The following KLC3 variants were observed in gnomAD, a reference collection of about 807,000 sequenced individuals.
The protein encoded by KLC3 is kinesin light chain 2.
KLC3 carries 72 observed loss-of-function variants against 62.9 expected under a neutral mutation model. The observed-to-expected ratio is 1.15, with a 90% CI of 0.95 to 1.39. The LOEUF is 1.39. Ranked by LOEUF, KLC3 falls within the 40% of genes most tolerant of loss-of-function variation. The pLI is 0.00. For missense variants in KLC3, 848 were observed against 691.6 expected, an observed-to-expected ratio of 1.23 and a Z score of -2.54; for synonymous variants, 377 against 300.5, an observed-to-expected ratio of 1.25 and a Z score of -2.63.
At chr19:45,346,395 C>G (rs1971490930) in intron 2 of KLC3, 149 bp from the exon 3 acceptor site, 1 of 730,036 alleles carries the variant, frequency 1.4e-6, no homozygotes, top group African/African-American at 1.8e-5. Flanking sequence ...TCTGAGGGCA[C>G]TGGGGCCATG....
chr19:45,345,284 G>A, intron 1 of KLC3: 1 of 607,170 alleles, frequency 1.6e-6, no homozygotes, highest in Non-Finnish European at 2.9e-6. Flanking sequence ...CTGTCCTCAG[G>A]GCAGAACCCT....
rs1971769893 is a variant in KLC3 at position 45,351,422 on chromosome 19, TGA to T, written c.*69_*70del. 3 of 1,592,974 alleles carry T rather than the reference TGA, an allele frequency of 1.9e-6. No individual in the cohort carries two copies. The highest frequency in any genetic ancestry group is 1.3e-5 in the African/African-American group (1 of 74,618). On this transcript the variant is annotated 3_prime_UTR_variant, in exon 13 of 13. Transcript: ENST00000391946. ...GTGCAGGAGGGATGGGCTGGTGGGG[TGA>T]GAGGGGGTCTATCATCTCCTGGCCC...
chr19:45,349,819 G>C, intron 8 of KLC3: 2 of 549,322 alleles, frequency 3.6e-6, no homozygotes, highest in Non-Finnish European at 6.4e-6. Context: ...CAGTGAAGCG[G>C]AAGCTGGCAG....
intron 5 of KLC3, 81 bp downstream of exon 5, chr19:45,348,241 C>A: frequency 7.7e-7 from 1 of 1,291,820 alleles, no homozygotes; most frequent in Non-Finnish European, 1.1e-6. Flanking sequence ...CTGGTGCCCC[C>A]TCTGTCACCA....
At chr19:45,350,296 G>C in intron 8 of KLC3, 45 bp from the exon 9 acceptor site, 1 of 1,464,418 alleles carries the variant, frequency 6.8e-7, no homozygotes, top group Non-Finnish European at 9.5e-7. Context: ...ATGCAGTGTT[G>C]GGAACTGGGG....
chr19:45,350,824 G>A (rs1599718658), intron 11 of KLC3, 77 bp downstream of exon 11: 1 of 1,039,254 alleles, frequency 9.6e-7, no homozygotes, highest in Non-Finnish European at 1.4e-6. Flanking sequence ...CCCCCATCTT[G>A]CTCAAGAACC....
Position 45,347,953 on chromosome 19 carries a change from C to T in KLC3, c.572C>T (p.Ala191Val). The T allele has an allele frequency of 6.2e-7, 1 of 1,604,020 alleles. No individual in the cohort carries two copies. The highest frequency in any genetic ancestry group is 1.7e-4 in the Middle Eastern group (1 of 6,038). The change falls in exon 5 of 13, where the codon GCA (alanine) becomes GTA (valine). Residue 191 changes from alanine (A) to valine (V), a missense_variant. Ala to Val is a moderately conservative substitution (Grantham distance 64). Transcript: ENST00000391946. ...CCACCCCACCTAGGTCCTGAGGCCG[C>T]AGGAGCAGCAGCTGCTCAGCAGGGT... ...EEEERKGPEA[A>V]GAAAAQQGGY...
intron 12 of KLC3, 23 bp downstream of exon 12, chr19:45,351,040 A>G: frequency 6.2e-7 from 1 of 1,614,026 alleles, no homozygotes; most frequent in South Asian, 1.1e-5. Flanking sequence ...TCTGGGTCAA[A>G]AATAGAGGAG....
At chr19:45,345,932 G>C in intron 2 of KLC3, 133 bp downstream of exon 2, 2 of 1,023,762 alleles carry the variant, frequency 2.0e-6, no homozygotes, top group South Asian at 3.4e-5. Flanking sequence ...TTGGGAGGCT[G>C]AGGTGGGCAG....
At position 45,349,494 on chromosome 19, in the gene KLC3, C is replaced by T. The variant is rs749753330; in HGVS notation, c.1035C>T (p.Asn345=). 6.8e-6 allele frequency: 11 copies of T among 1,613,996 alleles called. No homozygotes were observed. The Admixed American group carries it at 1.0e-4, about 15-fold the overall frequency. ...ACAACCTGGCCCTGCTGTGCCAGAA[C>T]CAGGGCAAGTTTGAGGACGTGGAGC... ...QLNNLALLCQ[N]QGKFEDVERH... is the part of the protein sequence containing the mutation. The change falls in exon 8 of 13, where the codon AAC becomes AAT. Residue 345 remains asparagine (N), a synonymous_variant. Transcript: ENST00000391946.
chr19:45,349,054 C>A, intron 7 of KLC3, 133 bp downstream of exon 7: 1 of 761,514 alleles, frequency 1.3e-6, no homozygotes, highest in East Asian at 2.7e-5. Flanking sequence ...CAGTTGGAGC[C>A]TAGATCACCC....
chr19:45,343,018 C>T (rs1971422768), intron 1 of KLC3, among the ~76,000 whole-genome samples: 1 of 152,160 alleles, frequency 6.6e-6, no homozygotes. Context: ...GCTCTCTGTT[C>T]CGACAGTGGA....
intron 8 of KLC3, 199 bp from the exon 9 acceptor site, chr19:45,350,142 C>G (rs184626727): frequency 3.4e-6 from 2 of 587,006 alleles, no homozygotes; most frequent in East Asian, 2.8e-5. Flanking sequence ...GAAAGTGGGG[C>G]CAGACGTGGT....
chr19:45,350,355 G>GA lies in KLC3; in HGVS notation c.1161dup (p.Gln388ThrfsTer34). 6.2e-7 allele frequency: 1 copy of GA among 1,613,282 alleles called. No individual in the cohort carries two copies. The highest frequency in any genetic ancestry group is 8.5e-7 in the Non-Finnish European group (1 of 1,179,906). The stretch of plus-strand genomic sequence containing the variant: ...CTTCTCCGCAGGCCTCAGCCTACCT[G>GA]AAACAGAACAAGTATCAACAAGCGG... On this transcript the variant is annotated frameshift_variant, in exon 9 of 13. Transcript: ENST00000391946. LOFTEE classifies it high-confidence loss of function.
At position 45,345,674 on chromosome 19, in the gene KLC3, G is replaced by C; in HGVS notation, c.133G>C (p.Ala45Pro). 6.3e-7 allele frequency: 1 copy of C among 1,579,720 alleles called. No individual in the cohort carries two copies. The highest frequency in any genetic ancestry group is 8.6e-7 in the Non-Finnish European group (1 of 1,164,216). The change falls in exon 2 of 13, where the codon GCT becomes CCT. Residue 45 changes from alanine (A) to proline (P), a missense_variant. By Grantham distance (27) the Ala-to-Pro change is conservative. Coordinates refer to ENST00000391946, the MANE Select transcript of KLC3 (RefSeq NM_177417.3). ...GCTGCGGGCAGAGCACCATGGCCTG[G>C]CTGGGCACCTGGCGGAGGCCCTGGC... ...EALRAEHHGL[A>P]GHLAEALAGQ...
intron 11 of KLC3, 21 bp downstream of exon 11, chr19:45,350,768 C>CAAAG: frequency 6.3e-7 from 1 of 1,594,288 alleles, no homozygotes; most frequent in Non-Finnish European, 8.6e-7. Flanking sequence ...ATCAGGTCGG[C>CAAAG]AAAGAGCCCT....
At chr19:45,346,996 G>A in intron 3 of KLC3, 2 of 520,642 alleles carry the variant, frequency 3.8e-6, no homozygotes, top group Non-Finnish European at 6.8e-6. Flanking sequence ...AAGCCCCCGA[G>A]CCTCGCCAGA....
Position 45,348,881 on chromosome 19 carries a change from C to A in KLC3, c.929C>A (p.Ala310Glu). 1 of 1,588,584 alleles carries A rather than the reference C, an allele frequency of 6.3e-7. No individual in the cohort carries two copies. Among genetic ancestry groups the A allele is most frequent in the Non-Finnish European group, 8.6e-7 (1 of 1,167,884 alleles). ...LYGKRGRYRE[A>E]EPLCQRALEI... ...GGGAAGCGTGGGCGTTACCGGGAGG[C>A]AGAGCCCCTGTGCCAGCGCGCTTTG... Residue 310 changes from alanine (A) to glutamate (E), a missense_variant, in exon 7 of 13, where the codon GCA becomes GAA. Coordinates refer to ENST00000391946, the MANE Select transcript of KLC3 (RefSeq NM_177417.3).
In KLC3 at chr19:45,344,182, T is replaced by G. The variant is rs191284169; in HGVS notation, c.-8-1352T>G. 3.3e-3 allele frequency among the ~76,000 whole-genome samples: 491 copies of G among 148,608 alleles called. 3 individuals carry two copies. Among genetic ancestry groups the G allele is most frequent in the African/African-American group, 0.011 (427 of 40,580 alleles). ...GTGTGTGTGTGTGTGTGTGTGTAAC[T>G]GTATTTCTGGGAGGGTGTGTGTGTG... On this transcript the variant is annotated intron_variant, in intron 1 of 12. Transcript: ENST00000391946.
Sources: gnomAD v4.1 joint callset for allele counts (sites outside exome capture counted in the v4.1 genomes callset) on GRCh38, gnomAD v4.1.1 for gene constraint, MANE v1.5 for transcripts, NCBI Gene and HGNC (gene_info 2026-07-23, HGNC 2026-07-21) for gene names.